Variants in FSIP1 observed in about 807,000 individuals in gnomAD.
FSIP1 encodes the protein fibrous sheath-interacting protein 1.
A neutral mutation model predicts 60.9 loss-of-function variants in FSIP1; 65 were observed. That is an observed-to-expected ratio of 1.07 (90% CI 0.87 to 1.31). The LOEUF is 1.31. FSIP1 is among the 40% of genes most tolerant of loss of function. The pLI is 0.00. For missense variants in FSIP1, 675 were observed against 665.5 expected, an observed-to-expected ratio of 1.01 and a Z score of -0.16; for synonymous variants, 209 against 221.2, an observed-to-expected ratio of 0.94 and a Z score of 0.49.
chr15:39,679,572 G>A (rs891114520), intron 10 of FSIP1, among the ~76,000 whole-genome samples: 13 of 152,042 alleles, frequency 8.6e-5, no homozygotes, highest in Admixed American at 1.3e-4. Flanking sequence ...ACTGCACTCT[G>A]GCCTGGGCAG....
At chr15:39,715,853 C>A (rs1168172220) in intron 9 of FSIP1, among the ~76,000 whole-genome samples, 1 of 152,052 alleles carries the variant, frequency 6.6e-6, no homozygotes, top group Admixed American at 6.6e-5. Flanking sequence ...TGTGTAGCAC[C>A]TCCCTCTTCT....
chr15:39,693,521 A>G (rs2140508847), intron 10 of FSIP1, among the ~76,000 whole-genome samples: 1 of 152,266 alleles, frequency 6.6e-6, no homozygotes. Context: ...CCTATATCCA[A>G]TTTTTCCAAA....
intron 11 of FSIP1, among the ~76,000 whole-genome samples, chr15:39,608,363 T>A (rs186956722): frequency 6.6e-6 from 1 of 152,210 alleles, no homozygotes; most frequent in Non-Finnish European, 1.5e-5. Context: ...GTGACAGATA[T>A]GCATCAGTGT....
chr15:39,645,022 G>T (rs1892534310), intron 10 of FSIP1, among the ~76,000 whole-genome samples: 1 of 152,182 alleles, frequency 6.6e-6, no homozygotes, highest in Non-Finnish European at 1.5e-5. Context: ...ATGGCCAACA[G>T]CTATGTGAAA....
chr15:39,735,023 C>A (rs1265790857), intron 8 of FSIP1, among the ~76,000 whole-genome samples: 1 of 152,182 alleles, frequency 6.6e-6, no homozygotes, highest in Non-Finnish European at 1.5e-5. Flanking sequence ...TAGAATGTAT[C>A]AAGAAAATCT....
chr15:39,718,543 T>A (rs1363941235), intron 9 of FSIP1, among the ~76,000 whole-genome samples: 1 of 147,926 alleles, frequency 6.8e-6, no homozygotes, highest in East Asian at 2.0e-4. Flanking sequence ...CAGGCTGGAG[T>A]GCAGTGGCAC....
In FSIP1 at chr15:39,754,556, G is replaced by C. The variant is rs73395284; in HGVS notation, c.559+9265C>G. On this transcript the variant is annotated intron_variant, in intron 5 of 11. Transcript: ENST00000350221. Reference sequence around the variant, plus strand: ...TAATAATGGGGATAAAAAAAAAACAGGTCAGATACAGATAGGGCAGAACAA... The same window carrying C: ...TAATAATGGGGATAAAAAAAAAACACGTCAGATACAGATAGGGCAGAACAA... Among the ~76,000 whole-genome samples, 1,235 of 152,006 alleles carry C rather than the reference G, an allele frequency of 8.1e-3. 15 individuals carry two copies. The highest frequency in any genetic ancestry group is 0.028 in the African/African-American group (1,164 of 41,454).
intron 10 of FSIP1, among the ~76,000 whole-genome samples, chr15:39,627,713 G>A (rs542535272): frequency 5.3e-5 from 8 of 152,294 alleles, no homozygotes; most frequent in East Asian, 3.9e-4. Flanking sequence ...TCAATCAGCT[G>A]TACTTGCTAG....
intron 1 of FSIP1, among the ~76,000 whole-genome samples, chr15:39,777,976 G>A (rs556904358): frequency 3.9e-5 from 6 of 152,318 alleles, no homozygotes; most frequent in Middle Eastern, 3.4e-3. Context: ...ACAGAGCGAT[G>A]TTACGGCTTG....
intron 10 of FSIP1, among the ~76,000 whole-genome samples, chr15:39,711,349 C>T (rs572390804): frequency 4.7e-4 from 72 of 152,208 alleles, no homozygotes; most frequent in Non-Finnish European, 8.4e-4. Context: ...ATTTCACTCA[C>T]GAGGGCTTCA....
intron 10 of FSIP1, among the ~76,000 whole-genome samples, chr15:39,696,304 C>A (rs1178492729): frequency 1.3e-5 from 2 of 151,688 alleles, no homozygotes; most frequent in South Asian, 2.1e-4. Flanking sequence ...AAAAGAATAC[C>A]TTAATAAAAT....
At chr15:39,608,552 C>T (rs1890909046) in intron 11 of FSIP1, among the ~76,000 whole-genome samples, 2 of 152,106 alleles carry the variant, frequency 1.3e-5, no homozygotes, top group Admixed American at 6.5e-5. Context: ...ACACTTTATC[C>T]AAAAAGAAGG....
Position 39,600,770 on chromosome 15 carries a change from CAATAAAG to C in FSIP1, c.*103_*109del. On this transcript the variant is annotated 3_prime_UTR_variant, in exon 12 of 12. Coordinates refer to ENST00000350221, the MANE Select transcript of FSIP1 (RefSeq NM_152597.5). The stretch of plus-strand genomic sequence containing the variant: ...AAAGAGCGACTCCAAATGTCAAAAT[CAATAAAG>C]AATAGTCTCTGCAGTGCATTCATTG... 1.3e-6 allele frequency: 1 copy of C among 750,404 alleles called. No individual in the cohort carries two copies. Among genetic ancestry groups the C allele is most frequent in the Non-Finnish European group, 2.1e-6 (1 of 471,618 alleles). 46.5% of individuals were successfully genotyped at this position (750,404 alleles called of 1,614,324 possible). A position where few individuals can be genotyped will look rare whatever the true frequency, so the allele number is the denominator to read the frequency against.
At chr15:39,657,108 C>G (rs1039046631) in intron 10 of FSIP1, among the ~76,000 whole-genome samples, 1 of 152,242 alleles carries the variant, frequency 6.6e-6, no homozygotes, top group Non-Finnish European at 1.5e-5. Flanking sequence ...GTCTCAAAGA[C>G]CGGGCATTTC....
At chr15:39,612,410 G>A (rs1891068838) in intron 11 of FSIP1, among the ~76,000 whole-genome samples, 1 of 151,874 alleles carries the variant, frequency 6.6e-6, no homozygotes, top group Non-Finnish European at 1.5e-5. Flanking sequence ...ATAGGTCAGA[G>A]GGGGGAAAAA....
intron 10 of FSIP1, among the ~76,000 whole-genome samples, chr15:39,623,317 A>G (rs901096655): frequency 3.9e-5 from 6 of 152,178 alleles, no homozygotes; most frequent in Non-Finnish European, 8.8e-5. Flanking sequence ...CCCATTATAA[A>G]CCAGCAGAAG....
chr15:39,610,855 C>T (rs1891003509), intron 11 of FSIP1, among the ~76,000 whole-genome samples: 1 of 152,034 alleles, frequency 6.6e-6, no homozygotes, highest in Admixed American at 6.6e-5. Flanking sequence ...AAACTGGCAA[C>T]CAAGAATACT....
chr15:39,726,880 A>G, intron 8 of FSIP1, 133 bp from the exon 9 acceptor site: 1 of 621,240 alleles, frequency 1.6e-6, no homozygotes, highest in Non-Finnish European at 2.8e-6. Flanking sequence ...CACAACACAC[A>G]CAAACAGAAT....
At chr15:39,744,200 T>C (rs1012691879) in intron 5 of FSIP1, among the ~76,000 whole-genome samples, 1 of 152,198 alleles carries the variant, frequency 6.6e-6, no homozygotes, top group Non-Finnish European at 1.5e-5. Flanking sequence ...CTTTGTACTT[T>C]TCCTATGACT....
Sources: gnomAD v4.1 joint callset for allele counts (sites outside exome capture counted in the v4.1 genomes callset) on GRCh38, gnomAD v4.1.1 for gene constraint, MANE v1.5 for transcripts, NCBI Gene and HGNC (gene_info 2026-07-23, HGNC 2026-07-21) for gene names.